Variants in ABCB4 observed in about 807,000 individuals in gnomAD.
The protein encoded by ABCB4 is phosphatidylcholine translocator ABCB4.
ABCB4 carries 76 observed loss-of-function variants against 145.7 expected under a neutral mutation model. The ratio of observed to expected loss-of-function variants is 0.52; its 90% CI spans 0.43 to 0.63. The LOEUF is 0.63. Among genes scored for constraint, ABCB4 ranks in the 30% least tolerant of loss-of-function variants. The pLI, the probability that ABCB4 is intolerant of heterozygous loss-of-function variation, is 0.00. For synonymous variants in ABCB4, 517 were observed against 566.8 expected (o/e 0.91, Z 1.25); for missense variants, 1,234 against 1,553.1 (o/e 0.79, Z 3.45).
chr7:87,435,086 TC>T (rs1192141997), intron 14 of ABCB4, among the ~76,000 whole-genome samples: 3 of 152,220 alleles, frequency 2.0e-5, no homozygotes, highest in Non-Finnish European at 4.4e-5. Context: ...CTTATGGTCC[TC>T]AGAGGCAAGA....
chr7:87,439,189 G>A (rs905378975), intron 14 of ABCB4, among the ~76,000 whole-genome samples: 1 of 152,008 alleles, frequency 6.6e-6, no homozygotes, highest in African/African-American at 2.4e-5. Flanking sequence ...AAAATGAATT[G>A]TTTATTTATA....
downstream of ABCB4, chr7:87,399,179 A>C (rs1357710467): frequency 6.5e-6 from 1 of 153,262 alleles, no homozygotes; most frequent in Non-Finnish European, 1.5e-5. Context: ...TGGTGATCTA[A>C]AATAACTTTT....
the ABCB4 span, among the ~76,000 whole-genome samples, chr7:87,395,114 C>A: frequency 6.6e-6 from 1 of 152,164 alleles, no homozygotes; most frequent in Non-Finnish European, 1.5e-5. Context: ...CACACGATCA[C>A]AAGGTCCCAC....
At chr7:87,471,327 C>T (rs1294038027) in intron 3 of ABCB4, among the ~76,000 whole-genome samples, 1 of 151,750 alleles carries the variant, frequency 6.6e-6, no homozygotes, top group East Asian at 1.9e-4. Flanking sequence ...AACAAACCTG[C>T]ACGTTATGCA....
In ABCB4 at chr7:87,431,431, C is replaced by G. The variant is rs761626166; in HGVS notation, c.1866G>C (p.Gly622=). 3.1e-6 allele frequency: 5 copies of G among 1,614,014 alleles called. No individual in the cohort carries two copies. In the African/African-American group the frequency reaches 5.3e-5, roughly 17 times the overall value. ...GCATGTTGACAAGTTTGAAGTACAC[C>G]CCTTCCTTCTTCATCAGTTCGCTGT... is the stretch of plus-strand genomic sequence containing the variant. ...GSHSELMKKE[G]VYFKLVNMQT... The change falls in exon 15 of 28, where the codon GGG becomes GGC. Residue 622 remains glycine (G), a synonymous_variant. Transcript: ENST00000649586.
chr7:87,452,887 T>C, intron 6 of ABCB4, 57 bp downstream of exon 6: 1 of 1,556,644 alleles, frequency 6.4e-7, no homozygotes, highest in Non-Finnish European at 8.9e-7. Context: ...TTCCTTGACA[T>C]ATTTTCACAC....
the ABCB4 span, chr7:87,382,237 T>C: frequency 6.7e-7 from 1 of 1,482,944 alleles, no homozygotes; most frequent in Non-Finnish European, 9.3e-7. Flanking sequence ...AACAACCATA[T>C]GTAAAAATTT....
Position 87,421,210 on chromosome 7 carries a change from G to A in ABCB4, c.2316+911C>T, listed in dbSNP as rs572005334. ...GTGTGAGTGTTGGGGTAGCCGTGCC[G>A]AGGGCACACGGGGGAGTGCACATCA... On this transcript the variant is annotated intron_variant, in intron 18 of 27. Coordinates refer to ENST00000649586, the MANE Select transcript of ABCB4 (RefSeq NM_000443.4). Among the ~76,000 whole-genome samples, 6 of 152,264 alleles carry A rather than the reference G, an allele frequency of 3.9e-5. No individual in the cohort carries two copies. In the East Asian group the frequency reaches 1.2e-3, roughly 29 times the overall value.
intron 15 of ABCB4, among the ~76,000 whole-genome samples, chr7:87,430,405 T>C (rs1253557152): frequency 6.6e-6 from 1 of 152,222 alleles, no homozygotes; most frequent in African/African-American, 2.4e-5. Flanking sequence ...AAAATATTCT[T>C]AGGTTATTTA....
rs184314166 is a variant in ABCB4, at chr7:87,426,721, A to G, written c.2064+29T>C. 18 of 1,604,270 alleles carry G rather than the reference A, an allele frequency of 1.1e-5. No individual in the cohort carries two copies. The East Asian group carries it at 4.0e-4, about 36-fold the overall frequency. ...AATTGTAGCAAAACTACAAAGTAAA[A>G]GACTTAATTTAAGTGAAAAACAACT... On this transcript the variant is annotated intron_variant, in intron 16 of 27. Transcript: ENST00000649586.
chr7:87,465,647 A>C (rs979007049), intron 3 of ABCB4, among the ~76,000 whole-genome samples: 2 of 152,076 alleles, frequency 1.3e-5, no homozygotes, highest in African/African-American at 4.8e-5. Flanking sequence ...GGGAGGCACC[A>C]CCCAGTAGGG....
chr7:87,418,865 A>G (rs867543873), intron 19 of ABCB4, among the ~76,000 whole-genome samples: 28 of 152,132 alleles, frequency 1.8e-4, no homozygotes, highest in African/African-American at 6.5e-4. Flanking sequence ...GATGGCTGCC[A>G]TGCTCCTTGC....
chr7:87,406,323 C>T lies in ABCB4; in HGVS notation c.3451G>A (p.Ala1151Thr), dbSNP rs138850786. 1.1e-5 allele frequency: 18 copies of T among 1,613,966 alleles called. No homozygotes were observed. The African/African-American group carries it at 2.4e-4, about 22-fold the overall frequency. Residue 1151 changes from alanine (A) to threonine (T), a missense_variant, in exon 26 of 28, where the codon GCC becomes ACC. Ala to Thr is a moderately conservative substitution (Grantham distance 58). This residue lies in a region of ABCB4 where 301 missense variants were observed against 389.0 expected (regional missense o/e 0.77). Transcript: ENST00000649586. ...GTCTCGATGAAAGGATGTATGTTGG[C>T]AGCTTTGGCTGCACTCACAATTTCA... Reference protein sequence around the residue: ...QDEIVSAAKAANIHPFIETLP... With the variant: ...QDEIVSAAKATNIHPFIETLP...
At chr7:87,375,934 C>G in the ABCB4 span, 1 of 1,608,536 alleles carries the variant, frequency 6.2e-7, no homozygotes, top group Non-Finnish European at 8.5e-7. Context: ...CCACATGTAA[C>G]ACCAGAGGAT....
chr7:87,406,587 T>C, intron 25 of ABCB4, 93 bp from the exon 26 acceptor site: 1 of 1,381,574 alleles, frequency 7.2e-7, no homozygotes, highest in South Asian at 1.2e-5. Flanking sequence ...GATCGTTGCA[T>C]GAGGGTGTCA....
intron 23 of ABCB4, among the ~76,000 whole-genome samples, chr7:87,411,000 T>C (rs996149670): frequency 1.3e-5 from 2 of 152,190 alleles, no homozygotes; most frequent in Non-Finnish European, 2.9e-5. Context: ...GGGTGTTAAC[T>C]TCCTTCTTGG....
chr7:87,391,733 A>C, the ABCB4 span: 4 of 1,596,186 alleles, frequency 2.5e-6, no homozygotes, highest in Non-Finnish European at 3.4e-6. Context: ...GAAAGGAAAA[A>C]AACTCACAAG....
At chr7:87,471,881 C>T (rs1251462740) in intron 3 of ABCB4, among the ~76,000 whole-genome samples, 1 of 152,132 alleles carries the variant, frequency 6.6e-6, no homozygotes, top group Admixed American at 6.5e-5. Flanking sequence ...TTTTTGGAAA[C>T]CAAATGTGAA....
intron 21 of ABCB4, among the ~76,000 whole-genome samples, chr7:87,414,800 T>C (rs1164863082): frequency 2.0e-5 from 3 of 152,190 alleles, no homozygotes; most frequent in African/African-American, 4.8e-5. Flanking sequence ...ATTACAAGAA[T>C]AGAGAAAAAT....
Sources: allele counts gnomAD v4.1 joint callset (sites outside exome capture counted in the v4.1 genomes callset), GRCh38; gene constraint gnomAD v4.1.1; regional missense constraint gnomAD v4.1.1; transcripts MANE v1.5; gene names NCBI Gene and HGNC (gene_info 2026-07-23, HGNC 2026-07-21).